The following PKD2 variants were observed in gnomAD, a reference collection of about 807,000 sequenced individuals.
PKD2 encodes polycystin-2.
In PKD2, 48 loss-of-function variants were observed where a neutral mutation model predicts 105.9. The ratio of observed to expected loss-of-function variants is 0.45; its 90% CI spans 0.36 to 0.58. The LOEUF is 0.58. PKD2 is among the 20% of genes least tolerant of loss of function. PKD2 has a pLI of 0.00. For synonymous variants in PKD2, 464 were observed against 481.1 expected (o/e 0.96, Z 0.46); for missense variants, 1,078 against 1,255.3 (o/e 0.86, Z 2.13).
At chr4:88,038,154 T>A in intron 3 of PKD2, 97 bp from the exon 4 acceptor site, 1 of 1,233,450 alleles carries the variant, frequency 8.1e-7, no homozygotes, top group African/African-American at 1.5e-5. Context: ...ACTATTTTCA[T>A]AGAGTTGCCA....
chr4:88,044,021 A>G (rs1159309533), intron 5 of PKD2, among the ~76,000 whole-genome samples: 1 of 152,118 alleles, frequency 6.6e-6, no homozygotes, highest in Non-Finnish European at 1.5e-5. Flanking sequence ...AAAAATGACA[A>G]AGATTCCACT....
intron 4 of PKD2, among the ~76,000 whole-genome samples, chr4:88,040,568 C>CTTCCAT (rs539776303): frequency 1.2e-4 from 19 of 152,192 alleles, no homozygotes; most frequent in Non-Finnish European, 2.1e-4. Context: ...TCATTTGCCA[C>CTTCCAT]TTCCATTTCC....
At chr4:88,011,464 T>C (rs1726379143) in intron 1 of PKD2, among the ~76,000 whole-genome samples, 1 of 152,162 alleles carries the variant, frequency 6.6e-6, no homozygotes, top group East Asian at 1.9e-4. Flanking sequence ...TGTAACATTT[T>C]AGAGAGGGTA....
chr4:88,071,787 C>T (rs565779920), intron 13 of PKD2, among the ~76,000 whole-genome samples: 62 of 152,182 alleles, frequency 4.1e-4, no homozygotes, highest in African/African-American at 1.3e-3. Flanking sequence ...GTTTTAGCAG[C>T]GTGCTCATTA....
At chr4:88,071,712 C>T (rs1721039422) in intron 13 of PKD2, among the ~76,000 whole-genome samples, 1 of 152,112 alleles carries the variant, frequency 6.6e-6, no homozygotes, top group Admixed American at 6.5e-5. Context: ...CAGTGTCTGC[C>T]TCTGACTTTA....
chr4:88,066,254 T>C (rs1287008489), intron 12 of PKD2, among the ~76,000 whole-genome samples: 1 of 152,166 alleles, frequency 6.6e-6, no homozygotes, highest in Non-Finnish European at 1.5e-5. Context: ...CCTGATTAGC[T>C]GCAGAGTCCA....
chr4:88,046,895 T>G (rs1187987494), intron 6 of PKD2, 25 bp downstream of exon 6: 5 of 1,301,442 alleles, frequency 3.8e-6, no homozygotes, highest in Non-Finnish European at 5.6e-6. Context: ...AACACCAAAT[T>G]TCCTATTCTA....
chr4:88,060,714 A>T (rs953853082), intron 9 of PKD2, among the ~76,000 whole-genome samples: 1 of 152,154 alleles, frequency 6.6e-6, no homozygotes, highest in Non-Finnish European at 1.5e-5. Flanking sequence ...GTGCTTCGAG[A>T]AAGTTTGTTG....
rs181040339 is a variant in PKD2, at chr4:88,071,076, G to T, written c.2522+3015G>T. ...TCATAACTTCCTTTTTTTTTTAAGA[G>T]ATAGGGTCTCTCTCTGTCACCCAGG... On this transcript the variant is annotated intron_variant, in intron 13 of 14. Coordinates refer to ENST00000237596, the MANE Select transcript of PKD2 (RefSeq NM_000297.4). 2.0e-3 allele frequency among the ~76,000 whole-genome samples: 306 copies of T among 150,052 alleles called. 4 individuals are homozygous for T. Among genetic ancestry groups the T allele is most frequent in the African/African-American group, 7.4e-3 (300 of 40,402 alleles).
chr4:88,042,333 C>G (rs577264604), intron 4 of PKD2, among the ~76,000 whole-genome samples: 2 of 152,326 alleles, frequency 1.3e-5, no homozygotes, highest in South Asian at 4.1e-4. Flanking sequence ...ATAAAACCAT[C>G]AGATCTCGTG....
chr4:88,062,188 G>A (rs962362293), intron 10 of PKD2, among the ~76,000 whole-genome samples, 184 bp downstream of exon 10: 2 of 152,028 alleles, frequency 1.3e-5, no homozygotes, highest in African/African-American at 2.4e-5. Context: ...CTGCTATCTT[G>A]AATTTTAATT....
Position 88,075,505 on chromosome 4 carries a change from A to G in PKD2, c.2718A>G (p.Glu906=), listed in dbSNP as rs752895342. The change falls in exon 15 of 15, where the codon GAA becomes GAG. Residue 906 remains glutamate (E), a synonymous_variant. Transcript: ENST00000237596. ...GTGAAATCCATAGGGAACAGATGGAACGGCTAGTACGTGAAGAGTTGGAAC... is the reference window on the plus strand; with the variant it reads ...GTGAAATCCATAGGGAACAGATGGAGCGGCTAGTACGTGAAGAGTTGGAAC... ...RDSEIHREQM[E]RLVREELERW... is the part of the protein sequence containing the mutation. 1 of 1,614,158 alleles carries G rather than the reference A, an allele frequency of 6.2e-7. No homozygotes were observed. Among genetic ancestry groups the G allele is most frequent in the Non-Finnish European group, 8.5e-7 (1 of 1,180,020 alleles).
intron 2 of PKD2, among the ~76,000 whole-genome samples, chr4:88,024,653 A>G (rs1305257947): frequency 6.6e-6 from 1 of 152,100 alleles, no homozygotes; most frequent in Non-Finnish European, 1.5e-5. Context: ...AGAAATCACA[A>G]AAGTTAGCTG....
chr4:88,042,132 G>T (rs1384367546), intron 4 of PKD2, among the ~76,000 whole-genome samples: 2 of 152,172 alleles, frequency 1.3e-5, no homozygotes, highest in African/African-American at 4.8e-5. Context: ...ATTTGTATTA[G>T]TCTGGTCTCA....
At chr4:88,050,843 G>A (rs1055041553) in intron 6 of PKD2, among the ~76,000 whole-genome samples, 2 of 152,170 alleles carry the variant, frequency 1.3e-5, no homozygotes, top group African/African-American at 4.8e-5. Context: ...GGAAGATGGT[G>A]AGGTTGGCTT....
At chr4:88,024,549 T>C (rs1726887034) in intron 2 of PKD2, among the ~76,000 whole-genome samples, 1 of 150,476 alleles carries the variant, frequency 6.6e-6, no homozygotes, top group African/African-American at 2.4e-5. Flanking sequence ...TTGGTGAATC[T>C]ATAATAATAA....
intron 13 of PKD2, among the ~76,000 whole-genome samples, chr4:88,068,691 C>T (rs1720887926): frequency 6.6e-6 from 1 of 152,060 alleles, no homozygotes. Flanking sequence ...AAGAATGTTC[C>T]TTGTGCATTT....
chr4:88,046,933 T>C (rs1001830856), intron 6 of PKD2, 63 bp downstream of exon 6: 11 of 934,654 alleles, frequency 1.2e-5, no homozygotes, highest in Middle Eastern at 2.4e-4. Flanking sequence ...CTAGAGTCTT[T>C]GATCTCCTCA....
intron 9 of PKD2, among the ~76,000 whole-genome samples, chr4:88,061,166 T>TA (rs1427405153): frequency 6.6e-6 from 1 of 152,224 alleles, no homozygotes. Context: ...GGAATAAGCA[T>TA]ACAATTCTAC....
Sources: allele counts gnomAD v4.1 joint callset (sites outside exome capture counted in the v4.1 genomes callset), GRCh38; gene constraint gnomAD v4.1.1; transcripts MANE v1.5; gene names NCBI Gene and HGNC (gene_info 2026-07-23, HGNC 2026-07-21).